The following ZNF81 variants were observed in gnomAD, a reference collection of about 807,000 sequenced individuals.
ZNF81 encodes zinc finger protein 81.
Under a neutral mutation model 32.3 loss-of-function variants are expected in ZNF81, and 5 were observed. The observed-to-expected ratio is 0.15, with a 90% CI of 0.08 to 0.33. The LOEUF (loss-of-function observed/expected upper bound fraction) is 0.33. Ranked by LOEUF, ZNF81 falls within the 10% of genes least tolerant of loss-of-function variation. The pLI is 1.00. For missense variants in ZNF81, 379 were observed against 479.8 expected (o/e 0.79, Z 1.96); for synonymous variants, 163 against 166.8 (o/e 0.98, Z 0.17).
At chrX:47,885,819 C>A (rs1213812881) in intron 2 of ZNF81, among the ~76,000 whole-genome samples, 8 of 112,056 alleles carry the variant, frequency 7.1e-5, no homozygotes, top group African/African-American at 2.6e-4. Flanking sequence ...TAAATTTCAA[C>A]ATGAATTTTG....
Position 47,889,134 on chromosome X carries a change from A to G in ZNF81, c.181+1009A>G, listed in dbSNP as rs781879771. 1.2e-4 allele frequency among the ~76,000 whole-genome samples: 13 copies of G among 112,154 alleles called. No homozygotes were observed. In the East Asian group the frequency reaches 3.1e-3, roughly 27 times the overall value. Reference sequence around the variant, plus strand: ...GATGTGGAAAATTTTCAGCCTATCCATATGGCAAAAATTCAGAAAGTGTAC... The same window carrying G: ...GATGTGGAAAATTTTCAGCCTATCCGTATGGCAAAAATTCAGAAAGTGTAC... On this transcript the variant is annotated intron_variant, in intron 3 of 4. Coordinates refer to ENST00000338637, the MANE Select transcript of ZNF81 (RefSeq NM_007137.5).
intron 2 of ZNF81, among the ~76,000 whole-genome samples, chrX:47,848,574 AT>A (rs1291295775): frequency 1.8e-5 from 2 of 111,414 alleles, no homozygotes; most frequent in Non-Finnish European, 3.8e-5. Context: ...TGACAACTTA[AT>A]TTTTTGAATA....
chrX:47,883,917 G>A (rs1438615434), intron 2 of ZNF81, among the ~76,000 whole-genome samples: 1 of 107,456 alleles, frequency 9.3e-6, no homozygotes, highest in Non-Finnish European at 1.9e-5. Flanking sequence ...AATAGAATAT[G>A]GCAAAAGTGA....
At chrX:47,887,327 T>C (rs60096605) in intron 2 of ZNF81, among the ~76,000 whole-genome samples, 2,229 of 112,037 alleles carry the variant, frequency 0.02, 60 homozygotes, top group African/African-American at 0.069. Flanking sequence ...TTAACATTTG[T>C]CAGTTTTTAC....
intron 2 of ZNF81, among the ~76,000 whole-genome samples, chrX:47,874,529 C>T (rs1312720975): frequency 1.8e-5 from 2 of 112,341 alleles, no homozygotes; most frequent in African/African-American, 6.5e-5. Context: ...GAAAGGAAGT[C>T]CTTGTGTGAG....
intron 2 of ZNF81, among the ~76,000 whole-genome samples, chrX:47,863,949 C>G (rs1220455102): frequency 1.8e-5 from 2 of 111,811 alleles, no homozygotes; most frequent in African/African-American, 3.3e-5. Flanking sequence ...ACCAAACACT[C>G]TAGTCAGGGA....
Position 47,914,655 on chromosome X carries a change from C to T in ZNF81, c.278-269C>T, listed in dbSNP as rs1008818576. 5.4e-5 allele frequency among the ~76,000 whole-genome samples: 6 copies of T among 111,481 alleles called. No individual in the cohort carries two copies. In the East Asian group the frequency reaches 8.5e-4, roughly 16 times the overall value. ...ATACTCTATGATGTTTGCACAACAA[C>T]GAAATTGCCTAATGACAGCTTTCTC... On this transcript the variant is annotated intron_variant, in intron 4 of 4. Transcript: ENST00000338637.
At chrX:47,856,360 A>G (rs1355097562) in intron 2 of ZNF81, among the ~76,000 whole-genome samples, 3 of 111,560 alleles carry the variant, frequency 2.7e-5, no homozygotes, top group Non-Finnish European at 5.6e-5. Flanking sequence ...GGAGAGAAAC[A>G]TGCATAGAAT....
intron 1 of ZNF81, among the ~76,000 whole-genome samples, chrX:47,843,601 C>T (rs2058459559): frequency 8.9e-6 from 1 of 111,928 alleles, no homozygotes; most frequent in Admixed American, 9.4e-5. Flanking sequence ...TGGCTCACTG[C>T]ATCTTCGACT....
chrX:47,914,354 C>G (rs1442519388), intron 4 of ZNF81, among the ~76,000 whole-genome samples: 1 of 111,921 alleles, frequency 8.9e-6, no homozygotes, highest in Admixed American at 9.5e-5. Context: ...CAGTCATGTA[C>G]CACATAATGA....
At chrX:47,911,321 T>C (rs2058738521) in intron 4 of ZNF81, among the ~76,000 whole-genome samples, 1 of 111,428 alleles carries the variant, frequency 9.0e-6, no homozygotes, top group African/African-American at 3.3e-5. Context: ...TGCTCTGCCG[T>C]CCAGGTAATA....
At chrX:47,841,449 GT>G in intron 1 of ZNF81, 2 of 1,032,941 alleles carry the variant, frequency 1.9e-6, no homozygotes, top group South Asian at 1.9e-5. Flanking sequence ...GCCAAGGAAT[GT>G]TTATCTGGCA....
chrX:47,882,830 A>C (rs2058626188), intron 2 of ZNF81, among the ~76,000 whole-genome samples: 1 of 112,000 alleles, frequency 8.9e-6, no homozygotes, highest in African/African-American at 3.3e-5. Context: ...GTCTCTACTA[A>C]AAATACAAAA....
chrX:47,899,614 G>A (rs1007838179), intron 4 of ZNF81, among the ~76,000 whole-genome samples: 4 of 110,681 alleles, frequency 3.6e-5, no homozygotes, highest in Admixed American at 9.7e-5. Flanking sequence ...CTACTAAAAT[G>A]AGTTATGAAG....
chrX:47,885,071 C>T (rs2058636286), intron 2 of ZNF81, among the ~76,000 whole-genome samples: 2 of 112,156 alleles, frequency 1.8e-5, no homozygotes, highest in Admixed American at 9.4e-5. Context: ...TCAGATAATA[C>T]TTTACTTTCT....
intron 1 of ZNF81, among the ~76,000 whole-genome samples, chrX:47,843,508 G>A (rs1482913536): frequency 9.4e-6 from 1 of 106,494 alleles, no homozygotes; most frequent in Non-Finnish European, 1.9e-5. Flanking sequence ...TTTTTTTTAT[G>A]ACATTGGTCA....
chrX:47,889,237 A>T (rs955477828), intron 3 of ZNF81, among the ~76,000 whole-genome samples: 1 of 112,335 alleles, frequency 8.9e-6, no homozygotes, highest in Non-Finnish European at 1.9e-5. Context: ...GATCCAATCA[A>T]CTGTCTCACT....
chrX:47,908,352 CA>C (rs1257316233), intron 4 of ZNF81, among the ~76,000 whole-genome samples: 169 of 109,713 alleles, frequency 1.5e-3, no homozygotes, highest in Non-Finnish European at 2.6e-3. Context: ...TACATACATA[CA>C]AAAAAAAGGG....
intron 2 of ZNF81, among the ~76,000 whole-genome samples, chrX:47,861,970 A>G (rs1331857320): frequency 1.8e-5 from 2 of 111,622 alleles, no homozygotes; most frequent in African/African-American, 6.5e-5. Flanking sequence ...ATTTGCTACC[A>G]CCTTTTCTAA....
Sources: gnomAD v4.1 joint callset for allele counts (sites outside exome capture counted in the v4.1 genomes callset) on GRCh38, gnomAD v4.1.1 for gene constraint, MANE v1.5 for transcripts, NCBI Gene and HGNC (gene_info 2026-07-23, HGNC 2026-07-21) for gene names.